Variants in POU2F2 observed in about 807,000 individuals in gnomAD.
POU2F2 encodes POU class 2 homeobox 2, also known as POU domain, class 2, transcription factor 2.
Under a neutral mutation model 63.5 loss-of-function variants are expected in POU2F2, and 14 were observed. That is an observed-to-expected ratio of 0.22 (90% CI 0.15 to 0.34). The LOEUF (loss-of-function observed/expected upper bound fraction) is 0.34. POU2F2 is among the 10% of genes least tolerant of loss of function. The pLI, the probability that POU2F2 is intolerant of heterozygous loss-of-function variation, is 1.00. For missense variants in POU2F2, 607 were observed against 815.2 expected, an observed-to-expected ratio of 0.74 and a Z score of 3.11; for synonymous variants, 306 against 348.6, an observed-to-expected ratio of 0.88 and a Z score of 1.36.
Position 42,090,962 on chromosome 19 carries a change from T to G in POU2F2, c.*295A>C. ...GCGACTGGTTTTTTGGTTTGTTTGA[T>G]TTTGTGGGTTTTTTTTTTTTTTGGT... On this transcript the variant is annotated 3_prime_UTR_variant, in exon 15 of 15. Transcript: ENST00000692977. This position sits in a 1 kb window ranked among gnomAD's most constrained non-coding sequence, Gnocchi z 4.4. 11 of 276,296 alleles carry G rather than the reference T, an allele frequency of 4.0e-5. No homozygotes were observed. The highest frequency in any genetic ancestry group is 1.3e-4 in the East Asian group (2 of 15,016). The allele number at this position is 276,296 out of a possible 1,614,324, so 17.1% of individuals were successfully genotyped here.
At chr19:42,194,881 A>G in intron 1 of POU2F2, among the ~76,000 whole-genome samples, 1 of 114,352 alleles carries the variant, frequency 8.7e-6, no homozygotes, top group Non-Finnish European at 1.8e-5. Context: ...GGAAAAAAGG[A>G]AGGAAGGAAG....
At chr19:42,163,766 T>A (rs1243948091) in intron 1 of POU2F2, among the ~76,000 whole-genome samples, 1 of 152,066 alleles carries the variant, frequency 6.6e-6, no homozygotes, top group Non-Finnish European at 1.5e-5. Context: ...TGGGGATAAT[T>A]ATAATAGGGG....
chr19:42,180,805 T>C (rs900925058), upstream of POU2F2, among the ~76,000 whole-genome samples: 16 of 152,202 alleles, frequency 1.1e-4, no homozygotes, highest in Admixed American at 5.9e-4. Context: ...TGGCTCACTG[T>C]AGCCTCAAAC....
intron 1 of POU2F2, among the ~76,000 whole-genome samples, chr19:42,166,592 T>G (rs928804653): frequency 9.2e-5 from 14 of 151,584 alleles, no homozygotes; most frequent in African/African-American, 3.4e-4. Flanking sequence ...GCCATCAGAG[T>G]GTATGCTGGA....
At chr19:42,108,361 C>G (rs1486504320) in intron 5 of POU2F2, among the ~76,000 whole-genome samples, 1 of 152,078 alleles carries the variant, frequency 6.6e-6, no homozygotes, top group Non-Finnish European at 1.5e-5. Context: ...GAGGCTGAGA[C>G]AGGTGGATTG....
At chr19:42,130,944 T>G (rs1229497990) in intron 1 of POU2F2, among the ~76,000 whole-genome samples, 1 of 57,834 alleles carries the variant, frequency 1.7e-5, no homozygotes, top group African/African-American at 7.2e-5. Flanking sequence ...CCAACCCCTC[T>G]ACCTATGTCC....
chr19:42,178,255 T>C (rs959456046), upstream of POU2F2, among the ~76,000 whole-genome samples: 7 of 148,854 alleles, frequency 4.7e-5, no homozygotes, highest in Admixed American at 4.7e-4. Flanking sequence ...GAGACAGAGA[T>C]GCAGAGTCAG....
intron 1 of POU2F2, among the ~76,000 whole-genome samples, chr19:42,166,319 T>G (rs940855509): frequency 6.8e-6 from 1 of 147,130 alleles, no homozygotes; most frequent in Non-Finnish European, 1.5e-5. Flanking sequence ...ATGCTCAGAG[T>G]TTTTTTTTTT....
In POU2F2 at chr19:42,092,204, C is replaced by G. The variant is rs558855549; in HGVS notation, c.1331G>C (p.Gly444Ala). Residue 444 changes from glycine to alanine, a missense_variant, in exon 13 of 15, where the codon GGG becomes GCG. By Grantham distance (60) the Gly-to-Ala change is moderately conservative (BLOSUM62 0). Transcript: ENST00000692977. This position sits in a 1 kb window ranked among gnomAD's most constrained non-coding sequence, Gnocchi z 5.0. ...PSRTAGGGGGGGGAAPPLNSI... is the reference protein window; with the variant it reads ...PSRTAGGGGGAGGAAPPLNSI... ...ATTGAGGGGGGGCGCAGCCCCGCCC[C>G]CGCCCCCACCCCCTCCAGCTGTCCG... The G allele has an allele frequency of 6.4e-7, 1 of 1,558,440 alleles. No individual in the cohort carries two copies. Among genetic ancestry groups the G allele is most frequent in the South Asian group, 1.2e-5 (1 of 84,274 alleles).
At chr19:42,195,071 A>AGGAAGGAAGGGAGGGAGGGAGGAAGGG (rs2035122357) in intron 1 of POU2F2, among the ~76,000 whole-genome samples, 1 of 64,648 alleles carries the variant, frequency 1.5e-5, no homozygotes, top group Admixed American at 1.5e-4. Context: ...GGGAGGGAGG[A>AGGAAGGAAGGGAGGGAGGGAGGAAGGG]AGGAAGGGAG....
intron 1 of POU2F2, 119 bp downstream of exon 1, chr19:42,132,265 G>C (rs1600169259): frequency 8.6e-7 from 1 of 1,161,278 alleles, no homozygotes; most frequent in Non-Finnish European, 1.2e-6. Flanking sequence ...GGAGTTGCTA[G>C]AGTACAGAGG....
At chr19:42,195,003 G>C (rs1186880241) in intron 1 of POU2F2, among the ~76,000 whole-genome samples, 1 of 97,114 alleles carries the variant, frequency 1.0e-5, no homozygotes, top group Non-Finnish European at 2.1e-5. Context: ...GGGAGGAAGG[G>C]AGGGAGAGAG....
At chr19:42,136,247 T>C (rs1045535089), upstream of POU2F2, among the ~76,000 whole-genome samples, 1 of 149,490 alleles carries the variant, frequency 6.7e-6, no homozygotes, top group Non-Finnish European at 1.5e-5. Context: ...TGCAGTGGCA[T>C]GATCTTGGCT....
At chr19:42,157,712 A>C (rs1432934031) in intron 2 of POU2F2, among the ~76,000 whole-genome samples, 1 of 152,226 alleles carries the variant, frequency 6.6e-6, no homozygotes, top group Non-Finnish European at 1.5e-5. Flanking sequence ...AGGAGGGAAA[A>C]GGAGGCATCA....
chr19:42,197,768 C>T (rs995860551), upstream of POU2F2, among the ~76,000 whole-genome samples: 2 of 152,134 alleles, frequency 1.3e-5, no homozygotes, highest in African/African-American at 2.4e-5. Context: ...TGGGGAGCCA[C>T]GTGGAGACAA....
intron 14 of POU2F2, 129 bp downstream of exon 14, chr19:42,091,737 AG>A: frequency 6.5e-7 from 1 of 1,549,642 alleles, no homozygotes. Context: ...CCCAAAGGTG[AG>A]ATGGGTATGA....
At chr19:42,123,674 A>G (rs1172895430) in intron 1 of POU2F2, among the ~76,000 whole-genome samples, 3 of 152,034 alleles carry the variant, frequency 2.0e-5, no homozygotes, top group Non-Finnish European at 4.4e-5. Context: ...ACTCTAGTCT[A>G]ATGTCCCCTA....
chr19:42,189,973 C>T (rs950165758), intron 1 of POU2F2, among the ~76,000 whole-genome samples: 5 of 152,188 alleles, frequency 3.3e-5, no homozygotes, highest in African/African-American at 4.8e-5. Flanking sequence ...GCAATCCTCC[C>T]GCCTCAGCCT....
rs2032007039 is a variant in POU2F2, at chr19:42,117,067, G to C, written c.369+183C>G. On this transcript the variant is annotated intron_variant, in intron 5 of 14. Coordinates refer to ENST00000692977, the MANE Select transcript of POU2F2 (RefSeq NM_001394376.1). This position sits in a 1 kb window ranked among gnomAD's most constrained non-coding sequence, Gnocchi z 4.4. ...GGGTTGAAGAGGAGCAGAGAAGGCAGAGAGGGGTTAGTGCCTAAGCCAAGC... is the reference window on the plus strand; with the variant it reads ...GGGTTGAAGAGGAGCAGAGAAGGCACAGAGGGGTTAGTGCCTAAGCCAAGC... 6.0e-6 allele frequency: 4 copies of C among 671,352 alleles called. No homozygotes were observed. Among genetic ancestry groups the C allele is most frequent in the East Asian group, 2.6e-5 (1 of 38,616 alleles). 41.6% of individuals were successfully genotyped at this position (671,352 alleles called of 1,614,324 possible). A position where few individuals can be genotyped will look rare whatever the true frequency, so the allele number is the denominator to read the frequency against.
Sources: gnomAD v4.1 joint callset for allele counts (sites outside exome capture counted in the v4.1 genomes callset) on GRCh38, gnomAD v4.1.1 for gene constraint, Gnocchi (gnomAD v3.1) non-coding constraint, MANE v1.5 for transcripts, NCBI Gene and HGNC (gene_info 2026-07-23, HGNC 2026-07-21) for gene names.